Variants in RB1 observed in about 807,000 individuals in gnomAD.
RB1 encodes RB transcriptional corepressor 1.
In RB1, 18 loss-of-function variants were observed where a neutral mutation model predicts 135.4. The ratio of observed to expected loss-of-function variants is 0.13; its 90% confidence interval spans 0.09 to 0.20. RB1 has a LOEUF of 0.20. RB1 is among the 10% of genes least tolerant of loss of function. RB1 has a pLI of 1.00. For synonymous variants in RB1, 365 were observed against 373.2 expected (o/e 0.98, Z 0.25); for missense variants, 868 against 1,110.0 (o/e 0.78, Z 3.10).
At chr13:48,464,222 A>G (rs1266814924) in intron 21 of RB1, among the ~76,000 whole-genome samples, 1 of 152,198 alleles carries the variant, frequency 6.6e-6, no homozygotes, top group Admixed American at 6.5e-5. Flanking sequence ...TTCAGTATAA[A>G]CACATTTTGT....
intron 11 of RB1, among the ~76,000 whole-genome samples, chr13:48,372,815 G>A (rs1952775082): frequency 6.6e-6 from 1 of 152,112 alleles, no homozygotes; most frequent in Non-Finnish European, 1.5e-5. Flanking sequence ...CAAATGTTCA[G>A]CTACTCCAAA....
intron 2 of RB1, among the ~76,000 whole-genome samples, chr13:48,338,774 GC>G (rs1952411806): frequency 6.6e-6 from 1 of 152,190 alleles, no homozygotes; most frequent in Admixed American, 6.5e-5. Flanking sequence ...AGAATTTTCA[GC>G]TTTTCTGCTG....
chr13:48,425,827 A>G (rs1949071602), intron 17 of RB1, among the ~76,000 whole-genome samples: 2 of 152,164 alleles, frequency 1.3e-5, no homozygotes, highest in Admixed American at 6.5e-5. Flanking sequence ...CTCCCCACTA[A>G]TTTTCAATGA....
intron 24 of RB1, among the ~76,000 whole-genome samples, chr13:48,474,261 G>A (rs935211599): frequency 2.6e-5 from 4 of 152,042 alleles, no homozygotes; most frequent in Non-Finnish European, 5.9e-5. Flanking sequence ...AGAGGGTGGG[G>A]CTGAAAGTTC....
At chr13:48,416,049 T>G (rs1948903158) in intron 17 of RB1, among the ~76,000 whole-genome samples, 1 of 152,230 alleles carries the variant, frequency 6.6e-6, no homozygotes, top group Admixed American at 6.5e-5. Context: ...GTGAGATCTC[T>G]ACACTTCTGG....
chr13:48,309,674 G>C (rs1335824861), intron 2 of RB1, among the ~76,000 whole-genome samples: 1 of 152,108 alleles, frequency 6.6e-6, no homozygotes, highest in Non-Finnish European at 1.5e-5. Flanking sequence ...TGATTATAAA[G>C]AGCATTAGTG....
chr13:48,351,974 T>C (rs1403997544), intron 6 of RB1, among the ~76,000 whole-genome samples: 1 of 151,898 alleles, frequency 6.6e-6, no homozygotes, highest in Non-Finnish European at 1.5e-5. Context: ...ACACCTGGCC[T>C]GGCCATCTTC....
At chr13:48,335,450 C>T (rs1204371694) in intron 2 of RB1, among the ~76,000 whole-genome samples, 1 of 152,100 alleles carries the variant, frequency 6.6e-6, no homozygotes, top group East Asian at 1.9e-4. Flanking sequence ...AGTTCTGTTA[C>T]TCTAAATCTT....
At chr13:48,435,907 T>C (rs1447142028) in intron 17 of RB1, among the ~76,000 whole-genome samples, 1 of 152,192 alleles carries the variant, frequency 6.6e-6, no homozygotes, top group Non-Finnish European at 1.5e-5. Context: ...ACTAATTATA[T>C]TAATAATTGC....
At chr13:48,352,914 G>T (rs9568032) in intron 6 of RB1, among the ~76,000 whole-genome samples, 31,860 of 151,998 alleles carry the variant, frequency 0.21, 3,484 homozygotes, top group South Asian at 0.26. Context: ...GTGAAAAAGG[G>T]CATCCTTGTC....
At chr13:48,450,740 G>A (rs1949321745) in intron 17 of RB1, among the ~76,000 whole-genome samples, 1 of 152,114 alleles carries the variant, frequency 6.6e-6, no homozygotes, top group South Asian at 2.1e-4. Flanking sequence ...AGTTTAATGG[G>A]AATAGCATTG....
intron 23 of RB1, among the ~76,000 whole-genome samples, chr13:48,472,003 A>G (rs186893878): frequency 1.2e-3 from 182 of 152,336 alleles, no homozygotes; most frequent in African/African-American, 4.0e-3. Flanking sequence ...GAAAGGTTGT[A>G]TGCAACTACA....
intron 2 of RB1, chr13:48,317,728 TGGCTGAA>T: frequency 2.0e-6 from 1 of 510,662 alleles, no homozygotes; most frequent in Non-Finnish European, 3.1e-6. Flanking sequence ...CTTCCTGCCC[TGGCTGAA>T]CAGGTCGGCT....
intron 17 of RB1, among the ~76,000 whole-genome samples, chr13:48,418,078 G>C (rs572125882): frequency 1.3e-5 from 2 of 152,134 alleles, no homozygotes; most frequent in East Asian, 3.9e-4. Flanking sequence ...ACACATAATC[G>C]TCAGATTCAC....
intron 2 of RB1, among the ~76,000 whole-genome samples, chr13:48,313,085 C>T (rs1401751433): frequency 6.6e-6 from 1 of 152,118 alleles, no homozygotes; most frequent in African/African-American, 2.4e-5. Flanking sequence ...GCCCCCAATG[C>T]CTGTGTTCTC....
Position 48,473,457 on chromosome 13 carries a change from T to A in RB1, c.2520+67T>A, listed in dbSNP as rs1220831330. The A allele has an allele frequency of 1.5e-5, 20 of 1,378,000 alleles. No homozygotes were observed. The East Asian group carries it at 4.1e-4, about 29-fold the overall frequency. 85.4% of individuals were successfully genotyped at this position (1,378,000 alleles called of 1,614,324 possible). ...AAGTATAAAAGAAATTAAAGCTTTC[T>A]ATAATTTGAATTTCCAAATGCAGTT... On this transcript the variant is annotated intron_variant, in intron 24 of 26. Coordinates refer to ENST00000267163, the MANE Select transcript of RB1 (RefSeq NM_000321.3).
chr13:48,439,789 G>A (rs1413808471), intron 17 of RB1: 1 of 152,086 alleles, frequency 6.6e-6, no homozygotes, highest in Non-Finnish European at 1.5e-5. Context: ...TTTGGGGAAG[G>A]TTTGAAAGAA....
intron 19 of RB1, 109 bp downstream of exon 19, chr13:48,456,458 T>C (rs899150978): frequency 1.5e-4 from 207 of 1,409,630 alleles, no homozygotes; most frequent in Admixed American, 1.1e-3. Flanking sequence ...TCACTTAATA[T>C]CTCTGTGTCT....
chr13:48,435,660 T>C (rs1246828019), intron 17 of RB1, among the ~76,000 whole-genome samples: 1 of 152,182 alleles, frequency 6.6e-6, no homozygotes, highest in Non-Finnish European at 1.5e-5. Context: ...TTTTCCCTTA[T>C]ACTTAAAAAA....
Sources: allele counts gnomAD v4.1 joint callset (sites outside exome capture counted in the v4.1 genomes callset), GRCh38; gene constraint gnomAD v4.1.1; transcripts MANE v1.5; gene names NCBI Gene and HGNC (gene_info 2026-07-23, HGNC 2026-07-21).